CNTNAP2: variants seen among roughly 807,000 people sequenced by gnomAD.
CNTNAP2 encodes the protein contactin-associated protein-like 2.
A neutral mutation model predicts 155.2 loss-of-function variants in CNTNAP2; 98 were observed. The observed-to-expected ratio is 0.63, with a 90% CI of 0.54 to 0.75. CNTNAP2 has a LOEUF of 0.75. CNTNAP2 is among the 30% of genes least tolerant of loss of function. CNTNAP2 has a pLI of 0.00. For missense variants in CNTNAP2, 1,727 were observed against 1,688.1 expected (o/e 1.02, Z -0.40); for synonymous variants, 651 against 631.2 (o/e 1.03, Z -0.47).
rs180738111 is a variant in CNTNAP2 at position 146,836,750 on chromosome 7, T to C, written c.209-2961T>C. Among the ~76,000 whole-genome samples, 467 of 152,326 alleles carry C rather than the reference T, an allele frequency of 3.1e-3. 2 individuals are homozygous for C. The highest frequency in any genetic ancestry group is 8.9e-3 in the African/African-American group (370 of 41,584). On this transcript the variant is annotated intron_variant, in intron 2 of 23. Coordinates refer to ENST00000361727, the MANE Select transcript of CNTNAP2 (RefSeq NM_014141.6). ...CGTCATGTAAATATGAGTTTCAAAA[T>C]GGTAAACTTCCCTTAAGGTGAAAAA...
intron 20 of CNTNAP2, among the ~76,000 whole-genome samples, chr7:148,260,731 G>A (rs757739544): frequency 4.9e-4 from 75 of 152,274 alleles, no homozygotes; most frequent in East Asian, 9.7e-4. Context: ...GTGTCTGACC[G>A]TAATGGAGGC....
chr7:147,531,899 T>C (rs912574332), intron 11 of CNTNAP2, among the ~76,000 whole-genome samples: 9 of 151,240 alleles, frequency 6.0e-5, no homozygotes, highest in Non-Finnish European at 1.3e-4. Flanking sequence ...CTTCAACTCC[T>C]GGGTTCACGC....
chr7:146,263,287 A>G (rs978006458), intron 1 of CNTNAP2, among the ~76,000 whole-genome samples: 2 of 146,770 alleles, frequency 1.4e-5, no homozygotes, highest in African/African-American at 5.5e-5. Flanking sequence ...GGAAGGAAGG[A>G]AGGAAGGAAG....
intron 13 of CNTNAP2, among the ~76,000 whole-genome samples, chr7:147,849,511 T>C (rs1186173): frequency 0.68 from 103,655 of 152,096 alleles, 35,448 homozygotes; most frequent in Middle Eastern, 0.8. Flanking sequence ...CTTGTCATTA[T>C]GTAAATACCT....
intron 2 of CNTNAP2, among the ~76,000 whole-genome samples, chr7:146,821,065 C>T (rs556848752): frequency 2.1e-4 from 32 of 152,132 alleles, no homozygotes; most frequent in East Asian, 1.7e-3. Context: ...TGTGTCTGCA[C>T]GTGAGATGGG....
chr7:146,447,924 T>C (rs187774565), intron 1 of CNTNAP2, among the ~76,000 whole-genome samples: 10 of 152,056 alleles, frequency 6.6e-5, no homozygotes, highest in African/African-American at 2.4e-4. Context: ...ATACGCACAT[T>C]TGAAAAAATG....
intron 13 of CNTNAP2, among the ~76,000 whole-genome samples, chr7:147,875,475 A>G (rs1019286167): frequency 1.3e-5 from 2 of 152,184 alleles, no homozygotes; most frequent in African/African-American, 2.4e-5. Context: ...GGTCCCTCCC[A>G]CAACACATGG....
intron 17 of CNTNAP2, among the ~76,000 whole-genome samples, chr7:148,154,176 G>A (rs764945843): frequency 6.6e-6 from 1 of 152,220 alleles, no homozygotes; most frequent in Non-Finnish European, 1.5e-5. Flanking sequence ...GCTCTTTTGC[G>A]TTGGGCAGAA....
intron 8 of CNTNAP2, among the ~76,000 whole-genome samples, chr7:147,251,294 C>G (rs1159650756): frequency 6.6e-6 from 1 of 152,162 alleles, no homozygotes; most frequent in Non-Finnish European, 1.5e-5. Flanking sequence ...CTTGCAAGAC[C>G]CTGATGGACC....
chr7:146,661,523 A>C (rs1800087524), intron 1 of CNTNAP2, among the ~76,000 whole-genome samples: 1 of 152,038 alleles, frequency 6.6e-6, no homozygotes, highest in South Asian at 2.1e-4. Context: ...AAATGAAACT[A>C]TATAGTTTGT....
chr7:147,475,180 A>G (rs6464811), intron 10 of CNTNAP2, among the ~76,000 whole-genome samples: 118,626 of 152,192 alleles, frequency 0.78, 46,598 homozygotes, highest in African/African-American at 0.87. Flanking sequence ...GACACAAACA[A>G]TGATGCAATA....
chr7:147,182,200 G>T (rs1011370034), intron 8 of CNTNAP2, among the ~76,000 whole-genome samples: 10 of 150,206 alleles, frequency 6.7e-5, no homozygotes, highest in Non-Finnish European at 1.5e-4. Flanking sequence ...AAAGTTCTTT[G>T]TCTAAGCAAA....
At chr7:147,867,505 G>A (rs1362577291) in intron 13 of CNTNAP2, among the ~76,000 whole-genome samples, 3 of 152,114 alleles carry the variant, frequency 2.0e-5, no homozygotes, top group African/African-American at 7.2e-5. Context: ...GCCTTGCTAG[G>A]TTGGGGAAGT....
chr7:146,486,693 G>C (rs1170980688), intron 1 of CNTNAP2, among the ~76,000 whole-genome samples: 1 of 152,180 alleles, frequency 6.6e-6, no homozygotes, highest in Non-Finnish European at 1.5e-5. Context: ...AAATGTGACA[G>C]ATCTGGGAGC....
Position 146,274,925 on chromosome 7 carries a change from G to A in CNTNAP2, c.97+157952G>A, listed in dbSNP as rs183283635. Among the ~76,000 whole-genome samples, 16 of 152,142 alleles carry A rather than the reference G, an allele frequency of 1.1e-4. No individual in the cohort carries two copies. The East Asian group carries it at 1.5e-3, about 15-fold the overall frequency. ...GGAATCTACACTGATGCCAGGTTAT[G>A]CGGTGTTATTCAAACATGAACCTTC... is the stretch of plus-strand genomic sequence containing the variant. On this transcript the variant is annotated intron_variant, in intron 1 of 23. Coordinates refer to ENST00000361727, the MANE Select transcript of CNTNAP2 (RefSeq NM_014141.6).
intron 3 of CNTNAP2, among the ~76,000 whole-genome samples, chr7:147,003,228 G>T (rs547300782): frequency 6.6e-6 from 1 of 151,906 alleles, no homozygotes; most frequent in Non-Finnish European, 1.5e-5. Flanking sequence ...AATCAATTCC[G>T]ATAGAACTGA....
intron 2 of CNTNAP2, among the ~76,000 whole-genome samples, chr7:146,794,287 C>T (rs1467001458): frequency 6.6e-6 from 1 of 152,098 alleles, no homozygotes; most frequent in African/African-American, 2.4e-5. Context: ...TATATGCAAC[C>T]TTCTGTTTAT....
rs185070774 is a variant in CNTNAP2 at position 148,336,738 on chromosome 7, T to C, written c.3476-46911T>C. On this transcript the variant is annotated intron_variant, in intron 21 of 23. Transcript: ENST00000361727. ...TCCTTAGGAAACATTTGAAACTTAC[T>C]GGTTTTGACCTTAAAATGTAATCAT... 1.4e-4 allele frequency among the ~76,000 whole-genome samples: 21 copies of C among 152,340 alleles called. 1 individual carries two copies. Among genetic ancestry groups the C allele is most frequent in the South Asian group, 2.1e-4 (1 of 4,830 alleles).
At chr7:147,327,807 G>A (rs2116834373) in intron 9 of CNTNAP2, among the ~76,000 whole-genome samples, 1 of 152,244 alleles carries the variant, frequency 6.6e-6, no homozygotes, top group East Asian at 1.9e-4. Flanking sequence ...AAGAATACTT[G>A]AAATTCTCAT....
Sources: gnomAD v4.1 joint callset for allele counts (sites outside exome capture counted in the v4.1 genomes callset) on GRCh38, gnomAD v4.1.1 for gene constraint, MANE v1.5 for transcripts, NCBI Gene and HGNC (gene_info 2026-07-23, HGNC 2026-07-21) for gene names.